WWOX: variants seen among roughly 807,000 people sequenced by gnomAD.
The protein encoded by WWOX is WW domain containing oxidoreductase, also known as WW domain-containing oxidoreductase.
Under a neutral mutation model 46.2 loss-of-function variants are expected in WWOX, and 69 were observed. That is an observed-to-expected ratio of 1.49 (90% CI 1.23 to 1.82). The LOEUF (loss-of-function observed/expected upper bound fraction) is 1.82. Among genes scored for constraint, WWOX ranks in the 40% most tolerant of loss-of-function variants. The probability of loss-of-function intolerance (pLI) is 0.00; values close to 1 mark genes in which losing one functional copy is unlikely to be tolerated. For missense variants in WWOX, 919 were observed against 542.6 expected (o/e 1.69, Z -6.89); for synonymous variants, 359 against 202.6 (o/e 1.77, Z -6.56).
intron 8 of WWOX, among the ~76,000 whole-genome samples, chr16:78,711,224 A>G (rs1285147350): frequency 1.3e-5 from 2 of 152,206 alleles, no homozygotes; most frequent in African/African-American, 2.4e-5. Flanking sequence ...AGTGTGCATC[A>G]TGGAAATTGT....
intron 5 of WWOX, among the ~76,000 whole-genome samples, chr16:78,206,620 T>C (rs1462477727): frequency 6.6e-6 from 1 of 152,216 alleles, no homozygotes; most frequent in Non-Finnish European, 1.5e-5. Flanking sequence ...AATTCTGGTT[T>C]AAGACTGAAG....
intron 8 of WWOX, among the ~76,000 whole-genome samples, chr16:78,775,645 T>A (rs922283284): frequency 6.6e-6 from 1 of 152,186 alleles, no homozygotes; most frequent in Non-Finnish European, 1.5e-5. Flanking sequence ...AAAATGTCTT[T>A]CTTATAGATG....
At position 78,342,474 on chromosome 16, in the gene WWOX, G is replaced by A. The variant is rs1211086591; in HGVS notation, c.517-44386G>A. Among the ~76,000 whole-genome samples, 2 of 119,954 alleles carry A rather than the reference G, an allele frequency of 1.7e-5. 1 individual carries two copies. The highest frequency in any genetic ancestry group is 4.0e-5 in the Non-Finnish European group (2 of 50,370). The allele number at this position is 119,954 out of a possible 152,430, so 78.7% of individuals were successfully genotyped here. ...TTTTTTATGGGCAGGTTTGCACGTGGCATTTGTTGCTTCCATCAACATTCC... is the reference window on the plus strand; with the variant it reads ...TTTTTTATGGGCAGGTTTGCACGTGACATTTGTTGCTTCCATCAACATTCC... On this transcript the variant is annotated intron_variant, in intron 5 of 8. Transcript: ENST00000566780.
intron 2 of WWOX, among the ~76,000 whole-genome samples, chr16:78,108,961 C>T (rs1263649353): frequency 6.6e-6 from 1 of 152,166 alleles, no homozygotes; most frequent in Non-Finnish European, 1.5e-5. Context: ...GCGCTCCAGC[C>T]TCGGTGACAG....
chr16:79,132,733 T>A (rs937292273), intron 8 of WWOX, among the ~76,000 whole-genome samples: 10 of 152,256 alleles, frequency 6.6e-5, no homozygotes, highest in Non-Finnish European at 1.5e-4. Flanking sequence ...TTAAAAAAGT[T>A]AAGCACACTC....
intron 8 of WWOX, among the ~76,000 whole-genome samples, chr16:78,981,190 A>G (rs900263694): frequency 3.9e-5 from 6 of 152,122 alleles, no homozygotes; most frequent in African/African-American, 1.4e-4. Flanking sequence ...GGTCTCCATG[A>G]TGTCCTGGCT....
chr16:78,724,105 G>T (rs886972764), intron 8 of WWOX, among the ~76,000 whole-genome samples: 6 of 152,190 alleles, frequency 3.9e-5, no homozygotes, highest in Non-Finnish European at 8.8e-5. Context: ...TTCAGGATGT[G>T]CAGGACGAGG....
At chr16:79,140,109 G>C (rs1479721653) in intron 8 of WWOX, among the ~76,000 whole-genome samples, 1 of 152,132 alleles carries the variant, frequency 6.6e-6, no homozygotes, top group South Asian at 2.1e-4. Flanking sequence ...AGAACATTAA[G>C]CTCCTTACCT....
chr16:79,177,072 C>T (rs2050814458), intron 8 of WWOX, among the ~76,000 whole-genome samples: 1 of 152,152 alleles, frequency 6.6e-6, no homozygotes, highest in Non-Finnish European at 1.5e-5. Flanking sequence ...CCTACAAAGT[C>T]CTTTCGAATA....
At chr16:78,236,487 C>T (rs542279444) in intron 5 of WWOX, among the ~76,000 whole-genome samples, 8 of 152,168 alleles carry the variant, frequency 5.3e-5, no homozygotes, top group Non-Finnish European at 1.0e-4. Context: ...GTCAGGGACA[C>T]CTTTCACGTG....
intron 8 of WWOX, among the ~76,000 whole-genome samples, chr16:78,939,676 C>G (rs559362666): frequency 1.3e-5 from 2 of 152,286 alleles, no homozygotes; most frequent in Admixed American, 6.5e-5. Context: ...AGGAAGTTCC[C>G]TGAAACATGA....
At chr16:79,142,265 G>A (rs560632588) in intron 8 of WWOX, among the ~76,000 whole-genome samples, 23 of 152,284 alleles carry the variant, frequency 1.5e-4, no homozygotes, top group African/African-American at 5.5e-4. Context: ...TCCTGGTAGT[G>A]ACGGGTGCCT....
chr16:78,392,403 C>T (rs2082196128), intron 6 of WWOX, among the ~76,000 whole-genome samples: 1 of 152,106 alleles, frequency 6.6e-6, no homozygotes, highest in Admixed American at 6.6e-5. Context: ...TCAGGGCTCC[C>T]ACCGATTGTA....
intron 8 of WWOX, among the ~76,000 whole-genome samples, chr16:78,595,038 G>A (rs2045454013): frequency 6.6e-6 from 1 of 152,324 alleles, no homozygotes; most frequent in Admixed American, 6.5e-5. Context: ...GTTTGGGAAA[G>A]CACTTTGTCA....
chr16:78,468,715 A>C (rs2084146218), intron 8 of WWOX, among the ~76,000 whole-genome samples: 2 of 152,198 alleles, frequency 1.3e-5, no homozygotes, highest in Non-Finnish European at 2.9e-5. Flanking sequence ...TCCTGTCTGC[A>C]AAGGAGGGAT....
chr16:78,159,437 G>A (rs1362348331), intron 4 of WWOX, among the ~76,000 whole-genome samples: 1 of 152,058 alleles, frequency 6.6e-6, no homozygotes, highest in African/African-American at 2.4e-5. Flanking sequence ...ACTAAGGAAT[G>A]TAAGTTTCTC....
intron 8 of WWOX, among the ~76,000 whole-genome samples, chr16:79,044,339 C>T (rs553919636): frequency 1.3e-5 from 2 of 152,236 alleles, no homozygotes; most frequent in East Asian, 1.9e-4. Context: ...TAATCTGCAG[C>T]GTTGGAGGTG....
chr16:78,385,716 A>G (rs1242239286), intron 5 of WWOX, among the ~76,000 whole-genome samples: 2 of 152,192 alleles, frequency 1.3e-5, no homozygotes, highest in Non-Finnish European at 2.9e-5. Context: ...TCATAGCCTT[A>G]CAGGTATCAT....
At chr16:78,286,640 T>C (rs868543484) in intron 5 of WWOX, among the ~76,000 whole-genome samples, 17 of 152,286 alleles carry the variant, frequency 1.1e-4, no homozygotes, top group African/African-American at 3.6e-4. Flanking sequence ...TGATGCACTT[T>C]TGGTATGATT....
Sources: gnomAD v4.1 joint callset for allele counts (sites outside exome capture counted in the v4.1 genomes callset) on GRCh38, gnomAD v4.1.1 for gene constraint, MANE v1.5 for transcripts, NCBI Gene and HGNC (gene_info 2026-07-23, HGNC 2026-07-21) for gene names.